Variants in MYT1L observed in about 807,000 individuals in gnomAD.
MYT1L encodes the protein myelin transcription factor 1-like protein.
MYT1L carries 12 observed loss-of-function variants against 126.7 expected under a neutral mutation model. The observed-to-expected ratio is 0.09, with a 90% CI of 0.06 to 0.15. MYT1L has a LOEUF of 0.15. Among genes scored for constraint, MYT1L ranks in the 10% least tolerant of loss-of-function variants. MYT1L has a pLI of 1.00. For missense variants in MYT1L, 979 were observed against 1,585.2 expected (o/e 0.62, Z 6.49); for synonymous variants, 541 against 604.2 (o/e 0.90, Z 1.53).
intron 5 of MYT1L, among the ~76,000 whole-genome samples, chr2:1,990,300 C>T (rs1301089212): frequency 6.6e-6 from 1 of 152,220 alleles, no homozygotes; most frequent in Admixed American, 6.5e-5. Flanking sequence ...TTTATAAACT[C>T]ACACATAGCT....
At chr2:2,248,469 T>C (rs542177576) in intron 2 of MYT1L, among the ~76,000 whole-genome samples, 10 of 152,038 alleles carry the variant, frequency 6.6e-5, no homozygotes, top group African/African-American at 2.4e-4. Flanking sequence ...CCAAAACCAA[T>C]CCTACTCTAA....
intron 2 of MYT1L, among the ~76,000 whole-genome samples, chr2:2,225,963 G>T (rs1368535814): frequency 1.3e-5 from 2 of 152,158 alleles, no homozygotes; most frequent in Non-Finnish European, 2.9e-5. Context: ...AGGGTGGAAT[G>T]GGGACATGGA....
chr2:1,995,715 A>G lies in MYT1L; in HGVS notation c.-1+1476T>C, dbSNP rs577898455. ...GTTCCCGGGTGATGGGCGTGGGACCAGCTGATGCCGAAATCCCCGTCCCAG... is the reference window on the plus strand; with the variant it reads ...GTTCCCGGGTGATGGGCGTGGGACCGGCTGATGCCGAAATCCCCGTCCCAG... On this transcript the variant is annotated intron_variant, in intron 5 of 24. Transcript: ENST00000647738. Among the ~76,000 whole-genome samples the G allele has an allele frequency of 8.5e-5, 13 of 152,254 alleles. No homozygotes were observed. The East Asian group carries it at 2.1e-3, about 25-fold the overall frequency.
chr2:2,319,183 G>T (rs2149676749), intron 1 of MYT1L: 1 of 152,342 alleles, frequency 6.6e-6, no homozygotes, highest in Non-Finnish European at 1.5e-5. Flanking sequence ...GCAGAGACAA[G>T]TGAATATGAC....
chr2:1,891,661 C>T (rs1343186342), intron 15 of MYT1L, among the ~76,000 whole-genome samples: 2 of 152,158 alleles, frequency 1.3e-5, no homozygotes, highest in Non-Finnish European at 2.9e-5. Context: ...GCAGAACTTC[C>T]TGTCAAAGTT....
chr2:1,804,480 G>A (rs1248958280), intron 22 of MYT1L, among the ~76,000 whole-genome samples: 1 of 152,196 alleles, frequency 6.6e-6, no homozygotes, highest in Non-Finnish European at 1.5e-5. Flanking sequence ...AGGAGAAACT[G>A]CCTTTATAAA....
intron 4 of MYT1L, among the ~76,000 whole-genome samples, chr2:2,014,532 C>A (rs1164568410): frequency 6.6e-6 from 1 of 152,168 alleles, no homozygotes; most frequent in African/African-American, 2.4e-5. Flanking sequence ...GTTTATCCTC[C>A]TTCCTCTGCA....
In MYT1L at chr2:2,049,534, TCTC is replaced by T. The variant is rs532119524; in HGVS notation, c.-158+4441_-158+4443del. Among the ~76,000 whole-genome samples the T allele has an allele frequency of 1.6e-4, 24 of 152,320 alleles. No homozygotes were observed. The South Asian group carries it at 5.0e-3, about 32-fold the overall frequency. On this transcript the variant is annotated intron_variant, in intron 4 of 24. Transcript: ENST00000647738. ...ATTTAACTTCTCTGTATATTAATTTTCTCCTAACATAAATTATGAATATAGATA... is the reference window on the plus strand; with the variant it reads ...ATTTAACTTCTCTGTATATTAATTTTCTAACATAAATTATGAATATAGATA...
chr2:2,030,394 G>A (rs191826520), intron 4 of MYT1L, among the ~76,000 whole-genome samples: 77 of 152,308 alleles, frequency 5.1e-4, no homozygotes, highest in Non-Finnish European at 7.2e-4. Context: ...TTAAATATAA[G>A]TGAAGTTTTA....
chr2:2,308,387 AC>A (rs2095892729), intron 1 of MYT1L, among the ~76,000 whole-genome samples: 1 of 151,706 alleles, frequency 6.6e-6, no homozygotes, highest in East Asian at 1.9e-4. Flanking sequence ...CCCATACTCC[AC>A]CTATACTTCA....
chr2:2,005,767 C>CAT (rs2063235702), intron 4 of MYT1L, among the ~76,000 whole-genome samples: 1 of 146,882 alleles, frequency 6.8e-6, no homozygotes. Flanking sequence ...TTCTTTCCTG[C>CAT]GTGCCTTCTT....
intron 19 of MYT1L, among the ~76,000 whole-genome samples, chr2:1,846,563 C>T (rs1369333228): frequency 6.6e-6 from 1 of 152,148 alleles, no homozygotes; most frequent in African/African-American, 2.4e-5. Flanking sequence ...GGGCCAACAA[C>T]AGGTGAGTGC....
intron 2 of MYT1L, among the ~76,000 whole-genome samples, chr2:2,248,033 A>G (rs1230828678): frequency 2.0e-5 from 3 of 152,132 alleles, no homozygotes; most frequent in East Asian, 1.9e-4. Context: ...TAAATAATAA[A>G]GATAAAAGCA....
chr2:2,195,175 A>C (rs1039703022), intron 2 of MYT1L, among the ~76,000 whole-genome samples: 2 of 152,232 alleles, frequency 1.3e-5, no homozygotes, highest in African/African-American at 4.8e-5. Context: ...TGCTTACAGC[A>C]TTTATTGATA....
intron 14 of MYT1L, among the ~76,000 whole-genome samples, chr2:1,901,281 GT>G (rs1404385410): frequency 2.0e-5 from 3 of 152,136 alleles, no homozygotes; most frequent in African/African-American, 7.2e-5. Flanking sequence ...AAAAAAACAG[GT>G]GCGTAAACAT....
intron 3 of MYT1L, among the ~76,000 whole-genome samples, chr2:2,128,481 A>G (rs1666013568): frequency 1.3e-5 from 2 of 152,174 alleles, no homozygotes; most frequent in African/African-American, 4.8e-5. Context: ...TGAGAAGAGT[A>G]TTATCTACAG....
rs575187172 is a variant in MYT1L at position 2,279,977 on chromosome 2, A to G, written c.-421+4427T>C. On this transcript the variant is annotated intron_variant, in intron 2 of 24. Coordinates refer to ENST00000647738, the MANE Select transcript of MYT1L (RefSeq NM_001303052.2). Reference sequence around the variant, plus strand: ...AGAGGTAAATGAAACAAAAGCTTTGATGTAGAAAAATTATGTGGAATTTCA... The same window carrying G: ...AGAGGTAAATGAAACAAAAGCTTTGGTGTAGAAAAATTATGTGGAATTTCA... Among the ~76,000 whole-genome samples, 5 of 152,354 alleles carry G rather than the reference A, an allele frequency of 3.3e-5. No homozygotes were observed. The East Asian group carries it at 9.6e-4, about 29-fold the overall frequency.
At chr2:1,822,371 T>C (rs1277023125) in intron 21 of MYT1L, among the ~76,000 whole-genome samples, 1 of 152,248 alleles carries the variant, frequency 6.6e-6, no homozygotes, top group Non-Finnish European at 1.5e-5. Flanking sequence ...AGATGCCTAA[T>C]AAACCCAGTA....
chr2:1,938,234 G>A (rs2056235281), intron 9 of MYT1L, among the ~76,000 whole-genome samples: 2 of 152,156 alleles, frequency 1.3e-5, no homozygotes, highest in Non-Finnish European at 2.9e-5. Flanking sequence ...AGATATTTTA[G>A]TGGACTGGAG....
Sources: gnomAD v4.1 joint callset for allele counts (sites outside exome capture counted in the v4.1 genomes callset) on GRCh38, gnomAD v4.1.1 for gene constraint, MANE v1.5 for transcripts, NCBI Gene and HGNC (gene_info 2026-07-23, HGNC 2026-07-21) for gene names.